The following DOCK9 variants were observed in gnomAD, a reference collection of about 807,000 sequenced individuals.
DOCK9 encodes the protein dedicator of cytokinesis protein 9.
A neutral mutation model predicts 263.3 loss-of-function variants in DOCK9; 89 were observed. The observed-to-expected ratio is 0.34, with a 90% CI of 0.28 to 0.40. The LOEUF is 0.40. Ranked by LOEUF, DOCK9 falls within the 10% of genes least tolerant of loss-of-function variation. DOCK9 has a pLI of 1.00. For synonymous variants in DOCK9, 976 were observed against 973.1 expected (o/e 1.00, Z -0.06); for missense variants, 2,140 against 2,603.4 (o/e 0.82, Z 3.87).
At chr13:98,818,124 G>A (rs1440812672) in intron 45 of DOCK9, among the ~76,000 whole-genome samples, 5 of 152,180 alleles carry the variant, frequency 3.3e-5, no homozygotes, top group Admixed American at 3.3e-4. Flanking sequence ...ACAAAAGTAA[G>A]TCCACCTCTC....
intron 52 of DOCK9, chr13:98,796,178 G>GA: frequency 6.5e-7 from 1 of 1,545,966 alleles, no homozygotes; most frequent in Non-Finnish European, 8.8e-7. Flanking sequence ...CAGATTATCA[G>GA]AAAAATAATG....
intron 2 of DOCK9, among the ~76,000 whole-genome samples, chr13:98,931,742 C>T (rs1315701637): frequency 1.3e-5 from 2 of 152,058 alleles, no homozygotes; most frequent in Admixed American, 6.5e-5. Flanking sequence ...GGACTACAGG[C>T]GGGCGCCACC....
intron 41 of DOCK9, among the ~76,000 whole-genome samples, chr13:98,830,760 G>A (rs1228445870): frequency 6.6e-6 from 1 of 152,186 alleles, no homozygotes; most frequent in Non-Finnish European, 1.5e-5. Flanking sequence ...TACACTCCAT[G>A]AGGGCTGGGA....
chr13:98,886,509 T>C (rs371870675), intron 19 of DOCK9, 23 bp downstream of exon 19: 4 of 1,607,842 alleles, frequency 2.5e-6, no homozygotes, highest in Non-Finnish European at 3.4e-6. Flanking sequence ...CAAATTCGGT[T>C]TTCCCTTAAA....
chr13:98,906,230 G>A (rs1467394744), intron 9 of DOCK9, among the ~76,000 whole-genome samples: 2 of 152,150 alleles, frequency 1.3e-5, no homozygotes, highest in Non-Finnish European at 2.9e-5. Context: ...GAGTGGATGA[G>A]ATGTCCTGAG....
chr13:98,867,683 C>T, intron 29 of DOCK9, 147 bp from the exon 30 acceptor site: 1 of 679,552 alleles, frequency 1.5e-6, no homozygotes. Flanking sequence ...GTACAGATTT[C>T]AGGATGGCTG....
chr13:98,902,263 G>A (rs769522147), intron 12 of DOCK9, 25 bp downstream of exon 12: 1 of 1,609,770 alleles, frequency 6.2e-7, no homozygotes, highest in Admixed American at 1.7e-5. Flanking sequence ...CTGAGTAGTG[G>A]GAATGCTGGG....
chr13:98,918,045 A>G (rs982946651), intron 7 of DOCK9, among the ~76,000 whole-genome samples: 3 of 152,236 alleles, frequency 2.0e-5, no homozygotes, highest in African/African-American at 4.8e-5. Context: ...GACCATAAGG[A>G]AGAAACAGGA....
rs145163551 is a variant in DOCK9 at position 98,892,716 on chromosome 13, G to C, written c.1710-4005C>G. Among the ~76,000 whole-genome samples, 622 of 152,230 alleles carry C rather than the reference G, an allele frequency of 4.1e-3. 6 individuals carry two copies. The highest frequency in any genetic ancestry group is 0.014 in the African/African-American group (587 of 41,520). On this transcript the variant is annotated intron_variant, in intron 15 of 52. Coordinates refer to ENST00000682017, the MANE Select transcript of DOCK9 (RefSeq NM_001366683.2). ...CCAGTAGACACTGTAAGCTACTTAC[G>C]GCATATGAGGGCAATCACTTTCACA...
At chr13:99,045,304 G>A (rs76874512) in intron 1 of DOCK9, among the ~76,000 whole-genome samples, 535 of 152,278 alleles carry the variant, frequency 3.5e-3, no homozygotes, top group African/African-American at 0.012. Flanking sequence ...GGTGTATACC[G>A]TATATACACA....
intron 1 of DOCK9, among the ~76,000 whole-genome samples, chr13:99,056,577 C>T (rs747269058): frequency 7.9e-5 from 12 of 152,116 alleles, no homozygotes; most frequent in Non-Finnish European, 1.6e-4. Flanking sequence ...AAATGAGCAA[C>T]CTAGAAGTCA....
chr13:98,989,640 T>C (rs1482011197), intron 1 of DOCK9, among the ~76,000 whole-genome samples: 2 of 152,156 alleles, frequency 1.3e-5, no homozygotes, highest in African/African-American at 4.8e-5. Flanking sequence ...ATGAGGGTAT[T>C]TGGCTGAAAG....
intron 1 of DOCK9, among the ~76,000 whole-genome samples, chr13:99,010,955 T>C (rs1165100156): frequency 1.9e-4 from 29 of 152,208 alleles, no homozygotes; most frequent in Admixed American, 1.8e-3. Context: ...CGGAGTGCAA[T>C]GGTGCAATCT....
rs756116156 is a variant in DOCK9, at chr13:98,879,948, C to A, written c.2893G>T (p.Val965Leu). The change falls in exon 27 of 53, where the codon GTA (valine) becomes TTA (leucine). Residue 965 changes from valine (V) to leucine (L), a missense_variant. Around this residue, in one of 2 missense-constraint regions of DOCK9, gnomAD observed 1,521 missense variants for 1,741.7 expected, o/e 0.87. Coordinates refer to ENST00000682017, the MANE Select transcript of DOCK9 (RefSeq NM_001366683.2). Reference protein sequence around the residue: ...LLKYSWFFFDVLIKSMAQHLI... With the variant: ...LLKYSWFFFDLLIKSMAQHLI... ...TGCTGAGCCATAGATTTGATCAGTA[C>A]ATCAAAGAAAAACCATGAGTACTAA... 20 of 1,606,894 alleles carry A rather than the reference C, an allele frequency of 1.2e-5. No individual in the cohort carries two copies. Among genetic ancestry groups the A allele is most frequent in the Non-Finnish European group, 1.5e-5 (18 of 1,178,248 alleles).
intron 38 of DOCK9, among the ~76,000 whole-genome samples, chr13:98,838,774 G>A (rs1472232108): frequency 1.3e-5 from 2 of 152,174 alleles, no homozygotes; most frequent in Non-Finnish European, 2.9e-5. Context: ...TTTCTCCAAG[G>A]AGCAAAATTA....
chr13:98,944,524 C>T (rs907529167), intron 2 of DOCK9, among the ~76,000 whole-genome samples: 11 of 152,262 alleles, frequency 7.2e-5, no homozygotes, highest in African/African-American at 9.6e-5. Flanking sequence ...ATCATGGTTC[C>T]GCTGAGTTCT....
At chr13:98,899,794 G>A (rs532206377) in intron 13 of DOCK9, among the ~76,000 whole-genome samples, 3 of 152,232 alleles carry the variant, frequency 2.0e-5, no homozygotes, top group South Asian at 2.1e-4. Context: ...CTTAGCTCTC[G>A]GACATATGAA....
intron 1 of DOCK9, among the ~76,000 whole-genome samples, chr13:98,999,284 GCACGCGCACACACACACA>G (rs1285373142): frequency 1.4e-5 from 1 of 73,592 alleles, no homozygotes; most frequent in Non-Finnish European, 2.8e-5. Flanking sequence ...GTGCACGCAT[GCACGCGCACACACACACA>G]CACACACACA....
intron 1 of DOCK9, among the ~76,000 whole-genome samples, chr13:98,984,518 TA>T (rs1033224294): frequency 6.6e-6 from 1 of 151,956 alleles, no homozygotes; most frequent in Non-Finnish European, 1.5e-5. Context: ...CACACAAGAC[TA>T]AAAAAAATAC....
Sources: allele counts gnomAD v4.1 joint callset (sites outside exome capture counted in the v4.1 genomes callset), GRCh38; gene constraint gnomAD v4.1.1; regional missense constraint gnomAD v4.1.1; transcripts MANE v1.5; gene names NCBI Gene and HGNC (gene_info 2026-07-23, HGNC 2026-07-21).